The following GPHN variants were observed in gnomAD, a reference collection of about 807,000 sequenced individuals.
The protein encoded by GPHN is gephyrin.
GPHN carries 17 observed loss-of-function variants against 95.5 expected under a neutral mutation model. The observed-to-expected ratio is 0.18, with a 90% CI of 0.12 to 0.27. GPHN has a LOEUF of 0.27. GPHN is among the 10% of genes least tolerant of loss of function. The pLI is 1.00. For synonymous variants in GPHN, 320 were observed against 322.5 expected, an observed-to-expected ratio of 0.99 and a Z score of 0.08; for missense variants, 660 against 978.1, an observed-to-expected ratio of 0.67 and a Z score of 4.34.
chr14:67,429,932 A>T, the GPHN span, among the ~76,000 whole-genome samples: 1 of 152,062 alleles, frequency 6.6e-6, no homozygotes, highest in Non-Finnish European at 1.5e-5. Context: ...GAAGAAACAG[A>T]TTCCAAGAGA....
intron 10 of GPHN, among the ~76,000 whole-genome samples, chr14:67,049,384 C>A (rs1268097550): frequency 6.6e-6 from 1 of 151,950 alleles, no homozygotes; most frequent in Non-Finnish European, 1.5e-5. Flanking sequence ...CCCGCCACCA[C>A]ACCCGGCTAA....
chr14:67,439,594 T>TTC, the GPHN span, among the ~76,000 whole-genome samples: 1 of 101,962 alleles, frequency 9.8e-6, no homozygotes, highest in Non-Finnish European at 1.8e-5. Flanking sequence ...TCTTTCTTTC[T>TTC]TCTTTCTTTT....
chr14:66,514,542 C>G (rs1176056365), intron 1 of GPHN, among the ~76,000 whole-genome samples: 1 of 151,916 alleles, frequency 6.6e-6, no homozygotes, highest in Non-Finnish European at 1.5e-5. Flanking sequence ...TTCTGACCAG[C>G]AGGAAAGAGA....
chr14:66,590,834 T>C (rs752410876), intron 1 of GPHN, among the ~76,000 whole-genome samples: 3 of 152,066 alleles, frequency 2.0e-5, no homozygotes, highest in Non-Finnish European at 4.4e-5. Context: ...TACCAAAACT[T>C]GGCAGAGACA....
At chr14:66,692,531 A>G (rs2067849005) in intron 2 of GPHN, among the ~76,000 whole-genome samples, 1 of 152,180 alleles carries the variant, frequency 6.6e-6, no homozygotes, top group Admixed American at 6.5e-5. Flanking sequence ...TAAGTCCTAA[A>G]TTATCCTGGC....
At chr14:67,648,160 T>C in the GPHN span, 6 of 1,614,002 alleles carry the variant, frequency 3.7e-6, no homozygotes, top group Non-Finnish European at 5.1e-6. Flanking sequence ...GGCATGTATA[T>C]TGCTGAGGAA....
At chr14:66,567,600 G>C (rs2060514290) in intron 1 of GPHN, among the ~76,000 whole-genome samples, 1 of 152,124 alleles carries the variant, frequency 6.6e-6, no homozygotes, top group African/African-American at 2.4e-5. Context: ...TGGTTTATTT[G>C]TGAATTATTT....
chr14:67,506,606 T>C, the GPHN span, among the ~76,000 whole-genome samples: 1 of 152,140 alleles, frequency 6.6e-6, no homozygotes, highest in African/African-American at 2.4e-5. Context: ...GTTTGGTGGG[T>C]TCAGTGGGAA....
At chr14:67,389,095 C>T in the GPHN span, among the ~76,000 whole-genome samples, 11 of 151,932 alleles carry the variant, frequency 7.2e-5, no homozygotes, top group Admixed American at 4.6e-4. Flanking sequence ...GGTGGTATCC[C>T]TGGACGATTC....
the GPHN span, among the ~76,000 whole-genome samples, chr14:67,572,485 GCTC>G: frequency 6.6e-6 from 1 of 152,160 alleles, no homozygotes; most frequent in African/African-American, 2.4e-5. Context: ...AGCCCAGAGA[GCTC>G]CTGGAATACC....
chr14:67,210,598 G>A, the GPHN span, among the ~76,000 whole-genome samples: 2 of 151,990 alleles, frequency 1.3e-5, no homozygotes, highest in African/African-American at 4.8e-5. Flanking sequence ...AATATTTGTT[G>A]TAGCTATTGA....
chr14:67,280,895 CTTT>C, the GPHN span, among the ~76,000 whole-genome samples: 3 of 103,602 alleles, frequency 2.9e-5, no homozygotes, highest in African/African-American at 1.1e-4. Flanking sequence ...TCTTTCTTTT[CTTT>C]CTTTCTTTTT....
intron 21 of GPHN, 90 bp from the exon 22 acceptor site, chr14:67,179,488 A>G (rs774708093): frequency 3.4e-5 from 26 of 765,428 alleles, no homozygotes; most frequent in South Asian, 2.4e-4. Context: ...CTCCATGTCC[A>G]CTGTATTCTT....
the GPHN span, chr14:67,317,402 C>T: frequency 6.2e-7 from 1 of 1,607,132 alleles, no homozygotes; most frequent in East Asian, 2.2e-5. Flanking sequence ...TATGATTGCT[C>T]AACAGGAAAA....
intron 8 of GPHN, among the ~76,000 whole-genome samples, chr14:66,945,407 C>T (rs1409783902): frequency 7.2e-5 from 11 of 152,256 alleles, no homozygotes; most frequent in Admixed American, 6.5e-4. Context: ...TTATCTACCT[C>T]CTGCATCTAT....
intron 3 of GPHN, among the ~76,000 whole-genome samples, chr14:66,804,452 A>T (rs2060470099): frequency 6.6e-6 from 1 of 152,234 alleles, no homozygotes. Flanking sequence ...GCCTTTCATA[A>T]GCTTTTTGTC....
the GPHN span, among the ~76,000 whole-genome samples, chr14:67,488,316 A>T: frequency 1.1e-3 from 169 of 152,342 alleles, no homozygotes; most frequent in African/African-American, 3.9e-3. Context: ...AGCCGAGGAG[A>T]AGTGAAAGGG....
chr14:66,904,672 T>C (rs1177110271), intron 5 of GPHN, among the ~76,000 whole-genome samples: 2 of 152,136 alleles, frequency 1.3e-5, no homozygotes, highest in African/African-American at 4.8e-5. Context: ...CGATGCTTGC[T>C]CTAGCTACTT....
the GPHN span, among the ~76,000 whole-genome samples, chr14:67,232,825 C>G: frequency 6.6e-6 from 1 of 152,182 alleles, no homozygotes; most frequent in Admixed American, 6.5e-5. Context: ...GATAACAAGG[C>G]TTGGGAGACT....
Sources: allele counts gnomAD v4.1 joint callset (sites outside exome capture counted in the v4.1 genomes callset), GRCh38; gene constraint gnomAD v4.1.1; transcripts MANE v1.5; gene names NCBI Gene and HGNC (gene_info 2026-07-23, HGNC 2026-07-21).